ATG10: variants seen among roughly 807,000 people sequenced by gnomAD.
ATG10 encodes autophagy related 10, also known as ubiquitin-like-conjugating enzyme ATG10.
In ATG10, 30 loss-of-function variants were observed where a neutral mutation model predicts 32.1. The observed-to-expected ratio is 0.94, with a 90% CI of 0.70 to 1.27. The LOEUF is 1.27. ATG10 is among the 50% of genes most tolerant of loss of function. The pLI is 0.00. For synonymous variants in ATG10, 87 were observed against 91.5 expected (o/e 0.95, Z 0.28); for missense variants, 233 against 262.3 (o/e 0.89, Z 0.77).
At chr5:82,126,649 T>TAAGC (rs1766290877) in intron 3 of ATG10, among the ~76,000 whole-genome samples, 1 of 135,466 alleles carries the variant, frequency 7.4e-6, no homozygotes, top group Non-Finnish European at 1.6e-5. Flanking sequence ...TTGTGGTAGA[T>TAAGC]AAGCATTTTG....
intron 2 of ATG10, among the ~76,000 whole-genome samples, chr5:82,021,653 C>T (rs899278164): frequency 7.2e-5 from 11 of 152,130 alleles, no homozygotes; most frequent in African/African-American, 2.7e-4. Flanking sequence ...GAAGCTGGGG[C>T]GGGTGGATCA....
intron 3 of ATG10, among the ~76,000 whole-genome samples, chr5:82,123,543 A>T (rs1019800523): frequency 2.0e-4 from 30 of 152,104 alleles, no homozygotes; most frequent in African/African-American, 6.3e-4. Context: ...AAAAAGCATA[A>T]TTAGATGGGT....
intron 3 of ATG10, among the ~76,000 whole-genome samples, chr5:82,085,227 G>C (rs1764636461): frequency 6.6e-6 from 1 of 151,834 alleles, no homozygotes; most frequent in Non-Finnish European, 1.5e-5. Flanking sequence ...GATCAAAAGA[G>C]ACAAAGAAGG....
At chr5:82,189,774 C>T (rs1337624807) in intron 5 of ATG10, among the ~76,000 whole-genome samples, 1 of 152,106 alleles carries the variant, frequency 6.6e-6, no homozygotes, top group Non-Finnish European at 1.5e-5. Context: ...CAGGCATGCA[C>T]CACTACAACC....
At chr5:82,103,389 C>T in intron 3 of ATG10, among the ~76,000 whole-genome samples, 1 of 152,224 alleles carries the variant, frequency 6.6e-6, no homozygotes, top group African/African-American at 2.4e-5. Context: ...AGTCCTAGCC[C>T]TTTATTCCAT....
chr5:82,169,509 A>T (rs1743721026), intron 4 of ATG10, among the ~76,000 whole-genome samples: 2 of 146,316 alleles, frequency 1.4e-5, no homozygotes, highest in Non-Finnish European at 1.5e-5. Flanking sequence ...GAAGAAAAAT[A>T]GTGGATTAGA....
chr5:82,242,867 C>T (rs1443638028), intron 5 of ATG10: 1 of 447,116 alleles, frequency 2.2e-6, no homozygotes, highest in Admixed American at 2.5e-5. Context: ...TGAATGCTGA[C>T]ACATAGGGAA....
At chr5:82,071,757 G>C (rs1764139939) in intron 3 of ATG10, among the ~76,000 whole-genome samples, 1 of 152,116 alleles carries the variant, frequency 6.6e-6, no homozygotes, top group Non-Finnish European at 1.5e-5. Flanking sequence ...GAAATAGTCA[G>C]CGTTTTTAGC....
intron 4 of ATG10, among the ~76,000 whole-genome samples, chr5:82,172,586 C>T (rs543502885): frequency 9.9e-5 from 15 of 152,178 alleles, no homozygotes; most frequent in African/African-American, 3.6e-4. Flanking sequence ...AAAAACTGCT[C>T]AGAGGGGTTA....
chr5:82,193,689 G>T (rs1744746662), intron 5 of ATG10, among the ~76,000 whole-genome samples: 1 of 152,188 alleles, frequency 6.6e-6, no homozygotes, highest in Non-Finnish European at 1.5e-5. Context: ...ATAAGTTTAA[G>T]GGTGAGTTCT....
intron 2 of ATG10, among the ~76,000 whole-genome samples, chr5:82,029,144 A>G (rs1224072930): frequency 6.6e-6 from 1 of 152,222 alleles, no homozygotes; most frequent in Non-Finnish European, 1.5e-5. Context: ...TTACTGAATG[A>G]TGGCACTTGT....
chr5:82,071,644 C>T (rs781334001), intron 3 of ATG10, among the ~76,000 whole-genome samples: 8 of 151,854 alleles, frequency 5.3e-5, no homozygotes, highest in African/African-American at 1.2e-4. Flanking sequence ...CATGGTGATA[C>T]GTGTAGAGGG....
At chr5:82,203,319 C>T (rs1482969903) in intron 5 of ATG10, among the ~76,000 whole-genome samples, 1 of 152,018 alleles carries the variant, frequency 6.6e-6, no homozygotes, top group Non-Finnish European at 1.5e-5. Flanking sequence ...TGTTTACCCT[C>T]CCTGCACAGT....
intron 3 of ATG10, among the ~76,000 whole-genome samples, chr5:82,079,823 CAT>C (rs1054247449): frequency 1.7e-4 from 26 of 152,168 alleles, no homozygotes; most frequent in African/African-American, 6.0e-4. Context: ...CCGTAATAAA[CAT>C]ATGTGTGCAT....
chr5:82,152,958 A>G (rs1581747811), intron 3 of ATG10, among the ~76,000 whole-genome samples: 1 of 152,164 alleles, frequency 6.6e-6, no homozygotes, highest in Admixed American at 6.5e-5. Context: ...AATGTCTACT[A>G]TTTGCCAGGT....
chr5:82,246,572 A>G (rs1247718456), intron 5 of ATG10, among the ~76,000 whole-genome samples: 1 of 151,856 alleles, frequency 6.6e-6, no homozygotes, highest in African/African-American at 2.4e-5. Flanking sequence ...AATAAAATAC[A>G]GCAACTTTGT....
At chr5:82,200,463 C>CTT (rs764388608) in intron 5 of ATG10, among the ~76,000 whole-genome samples, 555 of 52,584 alleles carry the variant, frequency 0.011, 144 homozygotes, top group East Asian at 0.079. Context: ...TCCCTAACTT[C>CTT]TTTTTTTTTT....
At chr5:82,248,923 G>A (rs943106368) in intron 5 of ATG10, among the ~76,000 whole-genome samples, 2 of 151,438 alleles carry the variant, frequency 1.3e-5, no homozygotes, top group Admixed American at 1.3e-4. Flanking sequence ...TAAATATAAG[G>A]TCTCAGTATA....
intron 5 of ATG10, among the ~76,000 whole-genome samples, chr5:82,199,558 G>A (rs191848167): frequency 6.6e-6 from 1 of 152,220 alleles, no homozygotes; most frequent in East Asian, 1.9e-4. Flanking sequence ...ATCAATATAA[G>A]CATATTAGCT....
Sources: gnomAD v4.1 joint callset for allele counts (sites outside exome capture counted in the v4.1 genomes callset) on GRCh38, gnomAD v4.1.1 for gene constraint, MANE v1.5 for transcripts, NCBI Gene and HGNC (gene_info 2026-07-23, HGNC 2026-07-21) for gene names.